AUTS2: variants seen among roughly 807,000 people sequenced by gnomAD.
The protein encoded by AUTS2 is autism susceptibility gene 2 protein.
AUTS2 carries 17 observed loss-of-function variants against 112.4 expected under a neutral mutation model. That is an observed-to-expected ratio of 0.15 (90% CI 0.10 to 0.23). AUTS2 has a LOEUF of 0.23. Ranked by LOEUF, AUTS2 falls within the 10% of genes least tolerant of loss-of-function variation. AUTS2 has a pLI of 1.00. For synonymous variants in AUTS2, 751 were observed against 702.7 expected (o/e 1.07, Z -1.09); for missense variants, 1,510 against 1,701.6 (o/e 0.89, Z 1.98).
At chr7:69,829,938 T>C (rs545269232) in intron 1 of AUTS2, among the ~76,000 whole-genome samples, 1 of 152,254 alleles carries the variant, frequency 6.6e-6, no homozygotes, top group East Asian at 1.9e-4. Flanking sequence ...CATGCACACA[T>C]ATGTTTATTG....
chr7:70,243,231 T>TTTGTGTGTG (rs1377117364), intron 4 of AUTS2, among the ~76,000 whole-genome samples: 1 of 131,670 alleles, frequency 7.6e-6, no homozygotes, highest in African/African-American at 2.8e-5. Context: ...GAATGTATCC[T>TTTGTGTGTG]TGTGTGTGTG....
intron 5 of AUTS2, among the ~76,000 whole-genome samples, chr7:70,591,635 G>A (rs1309702130): frequency 1.0e-3 from 152 of 152,258 alleles, no homozygotes; most frequent in African/African-American, 3.4e-3. Context: ...CTGACCTCAA[G>A]TGATTCTCCC....
intron 3 of AUTS2, chr7:70,118,544 T>A: frequency 5.5e-6 from 1 of 182,508 alleles, no homozygotes; most frequent in Non-Finnish European, 1.1e-5. Flanking sequence ...TTTGGGAGGC[T>A]AAAGCAGGTG....
At chr7:70,098,396 C>A (rs927886396) in intron 2 of AUTS2, among the ~76,000 whole-genome samples, 2 of 152,182 alleles carry the variant, frequency 1.3e-5, no homozygotes, top group African/African-American at 4.8e-5. Context: ...GATCTTCTCT[C>A]ATTGCTGCCC....
chr7:69,913,898 A>G (rs1795458859), intron 2 of AUTS2, among the ~76,000 whole-genome samples: 1 of 152,032 alleles, frequency 6.6e-6, no homozygotes, highest in African/African-American at 2.4e-5. Context: ...TGGACACCTT[A>G]TGCTATCCTC....
At chr7:69,614,409 G>A (rs930413074) in intron 1 of AUTS2, among the ~76,000 whole-genome samples, 2 of 86,542 alleles carry the variant, frequency 2.3e-5, no homozygotes, top group Non-Finnish European at 5.0e-5. Context: ...AGGCTGGAGT[G>A]CAGCAGTAAT....
At position 70,778,436 on chromosome 7, in the gene AUTS2, C is replaced by T. The variant is rs114864440; in HGVS notation, c.2004+1262C>T. ...ATAGAGCTCTTCATCACAGAAGAGACATGTTTTTAAAAGGGTTACGTGATT... is the reference window on the plus strand; with the variant it reads ...ATAGAGCTCTTCATCACAGAAGAGATATGTTTTTAAAAGGGTTACGTGATT... On this transcript the variant is annotated intron_variant, in intron 14 of 18. Transcript: ENST00000342771. 6.2e-3 allele frequency among the ~76,000 whole-genome samples: 940 copies of T among 151,924 alleles called. 9 individuals carry two copies. Among genetic ancestry groups the T allele is most frequent in the African/African-American group, 0.022 (906 of 41,452 alleles).
rs1805476412 is a variant in AUTS2, at chr7:70,118,064, G to A, written c.523-68G>A. The A allele has an allele frequency of 2.0e-6, 3 of 1,513,448 alleles. No homozygotes were observed. The South Asian group carries it at 4.1e-5, about 21-fold the overall frequency. The allele number at this position is 1,513,448 out of a possible 1,614,324, so 93.8% of individuals were successfully genotyped here. A position where few individuals can be genotyped will look rare whatever the true frequency, so the allele number is the denominator to read the frequency against. On this transcript the variant is annotated intron_variant, in intron 2 of 18. Transcript: ENST00000342771. Reference sequence around the variant, plus strand: ...TGCCTGGCTGTTCACTCTTGACAAGGATCAAAAACAGGAACTAAGAAGCAG... The same window carrying A: ...TGCCTGGCTGTTCACTCTTGACAAGAATCAAAAACAGGAACTAAGAAGCAG...
At chr7:70,478,457 A>G (rs1206611083) in intron 5 of AUTS2, among the ~76,000 whole-genome samples, 5 of 152,172 alleles carry the variant, frequency 3.3e-5, no homozygotes, top group Admixed American at 2.0e-4. Flanking sequence ...CATCAAGAAG[A>G]AGGAATGACT....
chr7:70,106,939 T>A (rs1804797201), intron 2 of AUTS2, among the ~76,000 whole-genome samples: 1 of 151,826 alleles, frequency 6.6e-6, no homozygotes. Flanking sequence ...TTAGGTAAAA[T>A]AAATAGGATT....
chr7:70,733,137 C>T (rs549855051), intron 6 of AUTS2, among the ~76,000 whole-genome samples: 40 of 152,158 alleles, frequency 2.6e-4, no homozygotes, highest in African/African-American at 8.0e-4. Context: ...GAGACAGCAC[C>T]GAAGTATATA....
chr7:70,175,582 A>C (rs976190579), intron 4 of AUTS2, among the ~76,000 whole-genome samples: 1 of 152,192 alleles, frequency 6.6e-6, no homozygotes, highest in Non-Finnish European at 1.5e-5. Flanking sequence ...TCTTACTGCA[A>C]GAAATTGCCA....
rs1790490782 is a variant in AUTS2 at position 69,810,252 on chromosome 7, A to G, written c.310-89034A>G. 2.0e-5 allele frequency among the ~76,000 whole-genome samples: 3 copies of G among 152,248 alleles called. No individual in the cohort carries two copies. In the South Asian group the frequency reaches 6.2e-4, roughly 32 times the overall value. ...CTTTGATTCAAAACCCAACTCTATG[A>G]CTTAATAATTGTAGAGTCTTGGGTA... is the stretch of plus-strand genomic sequence containing the variant. On this transcript the variant is annotated intron_variant, in intron 1 of 18. Coordinates refer to ENST00000342771, the MANE Select transcript of AUTS2 (RefSeq NM_015570.4).
At chr7:70,148,557 A>G (rs940133243) in intron 4 of AUTS2, among the ~76,000 whole-genome samples, 4 of 151,998 alleles carry the variant, frequency 2.6e-5, no homozygotes, top group Non-Finnish European at 5.9e-5. Flanking sequence ...TATTTAAGCA[A>G]TGACATCAGA....
At chr7:70,157,881 A>AT (rs1807866796) in intron 4 of AUTS2, among the ~76,000 whole-genome samples, 1 of 152,212 alleles carries the variant, frequency 6.6e-6, no homozygotes, top group Admixed American at 6.5e-5. Flanking sequence ...TCATGGCCTT[A>AT]CAATGGGAGT....
rs531741918 is a variant in AUTS2, at chr7:70,647,966, C to T, written c.691-50603C>T. The stretch of plus-strand genomic sequence containing the variant: ...AAGAGTATCCATTCAGGAAATGTCA[C>T]CCCATGGCCTGATGTAGTGGTAGGA... On this transcript the variant is annotated intron_variant, in intron 5 of 18. Transcript: ENST00000342771. Among the ~76,000 whole-genome samples the T allele has an allele frequency of 1.1e-4, 16 of 152,282 alleles. No individual in the cohort carries two copies. In the South Asian group the frequency reaches 3.1e-3, roughly 30 times the overall value.
chr7:69,960,453 CTG>C (rs1219427577), intron 2 of AUTS2, among the ~76,000 whole-genome samples: 1 of 152,142 alleles, frequency 6.6e-6, no homozygotes, highest in Non-Finnish European at 1.5e-5. Context: ...AAAAGAGAAA[CTG>C]TAATTAAAAT....
chr7:70,282,472 A>G (rs1019934732), intron 4 of AUTS2, among the ~76,000 whole-genome samples: 4 of 152,198 alleles, frequency 2.6e-5, no homozygotes, highest in African/African-American at 9.7e-5. Flanking sequence ...TTCTGGTTGT[A>G]GATGGCACCT....
intron 4 of AUTS2, among the ~76,000 whole-genome samples, chr7:70,182,023 C>T (rs376932168): frequency 7.0e-6 from 1 of 142,904 alleles, no homozygotes; most frequent in Non-Finnish European, 1.5e-5. Flanking sequence ...TGGTCTCGAT[C>T]GATCTCCTGA....
Sources: gnomAD v4.1 joint callset for allele counts (sites outside exome capture counted in the v4.1 genomes callset) on GRCh38, gnomAD v4.1.1 for gene constraint, MANE v1.5 for transcripts, NCBI Gene and HGNC (gene_info 2026-07-23, HGNC 2026-07-21) for gene names.